CCDC7: variants seen among roughly 807,000 people sequenced by gnomAD.
The protein encoded by CCDC7 is coiled-coil domain containing 7, also known as coiled-coil domain-containing protein 7.
CCDC7 carries 183 observed loss-of-function variants against 196.9 expected under a neutral mutation model. The ratio of observed to expected loss-of-function variants is 0.93; its 90% CI spans 0.82 to 1.05. The LOEUF (loss-of-function observed/expected upper bound fraction) is 1.05. CCDC7 is among the 50% of genes least tolerant of loss of function. The pLI is 0.00. For synonymous variants in CCDC7, 525 were observed against 484.6 expected (o/e 1.08, Z -1.10); for missense variants, 1,540 against 1,482.2 (o/e 1.04, Z -0.64).
chr10:32,754,398 C>T (rs1938054213), intron 28 of CCDC7, among the ~76,000 whole-genome samples: 2 of 152,090 alleles, frequency 1.3e-5, no homozygotes, highest in South Asian at 4.1e-4. Context: ...ATGTTGACTA[C>T]ATAGGGAGAT....
At chr10:32,780,230 C>T (rs2080829146) in intron 29 of CCDC7, among the ~76,000 whole-genome samples, 1 of 151,948 alleles carries the variant, frequency 6.6e-6, no homozygotes, top group Non-Finnish European at 1.5e-5. Flanking sequence ...AGCAAGACAC[C>T]GTCAAACAAA....
intron 26 of CCDC7, among the ~76,000 whole-genome samples, chr10:32,728,102 C>A (rs1181945622): frequency 6.6e-6 from 1 of 152,126 alleles, no homozygotes; most frequent in Admixed American, 6.6e-5. Context: ...CCCTTTCTTT[C>A]TCCCCCTTGA....
intron 28 of CCDC7, among the ~76,000 whole-genome samples, chr10:32,750,335 G>C (rs1018226768): frequency 6.6e-6 from 1 of 152,222 alleles, no homozygotes; most frequent in African/African-American, 2.4e-5. Context: ...GTTTAATAAA[G>C]TGACATACTC....
At chr10:32,779,080 G>T (rs1420263204) in exon 29 of CCDC7, 3 of 1,540,866 alleles carry the variant, frequency 1.9e-6, no homozygotes, top group Non-Finnish European at 2.6e-6. Flanking sequence ...TAAACAAAGT[G>T]GTCGGTAAGT....
intron 28 of CCDC7, among the ~76,000 whole-genome samples, chr10:32,756,258 A>G (rs887824435): frequency 5.3e-5 from 8 of 152,144 alleles, no homozygotes; most frequent in African/African-American, 1.4e-4. Context: ...TACAGAGAAC[A>G]CCACAAAGAT....
chr10:32,737,240 A>G (rs1334338435), intron 28 of CCDC7, among the ~76,000 whole-genome samples: 1 of 152,088 alleles, frequency 6.6e-6, no homozygotes, highest in Non-Finnish European at 1.5e-5. Context: ...CTTTTTATAC[A>G]TTGTTGAATT....
At chr10:32,684,984 A>T (rs1331241704) in intron 21 of CCDC7, among the ~76,000 whole-genome samples, 1 of 151,502 alleles carries the variant, frequency 6.6e-6, no homozygotes, top group Non-Finnish European at 1.5e-5. Flanking sequence ...AATATACGAA[A>T]CCTGAAACTG....
At chr10:32,794,928 C>A (rs1006412770) in intron 29 of CCDC7, among the ~76,000 whole-genome samples, 2 of 152,102 alleles carry the variant, frequency 1.3e-5, no homozygotes, top group African/African-American at 2.4e-5. Context: ...AGGCTAGAGA[C>A]GTCCCTTCCT....
rs552293384 is a variant in CCDC7, at chr10:32,695,880, C to T, written c.2458+888C>T. ...GTCATAGTATCAGGTAACAGCAGTG[C>T]CAAAGACAGAACTACGGCATGAGCC... On this transcript the variant is annotated intron_variant, in intron 24 of 41. Transcript: ENST00000639629. Among the ~76,000 whole-genome samples the T allele has an allele frequency of 6.6e-5, 10 of 152,238 alleles. No individual in the cohort carries two copies. In the East Asian group the frequency reaches 1.7e-3, roughly 27 times the overall value.
At chr10:32,817,200 G>T (rs1031450722) in intron 31 of CCDC7, among the ~76,000 whole-genome samples, 1 of 152,164 alleles carries the variant, frequency 6.6e-6, no homozygotes, top group African/African-American at 2.4e-5. Context: ...GCACAAGCCT[G>T]AGTAGCCGAT....
intron 28 of CCDC7, among the ~76,000 whole-genome samples, chr10:32,764,577 A>G (rs2077978365): frequency 6.6e-6 from 1 of 151,918 alleles, no homozygotes; most frequent in African/African-American, 2.4e-5. Flanking sequence ...TGAAATGCAG[A>G]ATTGCCGTGG....
chr10:32,686,873 A>G (rs1188419291), intron 22 of CCDC7, among the ~76,000 whole-genome samples: 1 of 152,222 alleles, frequency 6.6e-6, no homozygotes, highest in African/African-American at 2.4e-5. Flanking sequence ...TGGGCCTACC[A>G]GTAGGGAGTC....
rs997752586 is a variant in CCDC7 at position 32,779,229 on chromosome 10, T to C, written c.3013+145T>C. 8 of 584,978 alleles carry C rather than the reference T, an allele frequency of 1.4e-5. No individual in the cohort carries two copies. In the South Asian group the frequency reaches 1.9e-4, roughly 14 times the overall value. 36.2% of individuals were successfully genotyped at this position (584,978 alleles called of 1,614,324 possible). A position where few individuals can be genotyped will look rare whatever the true frequency, so the allele number is the denominator to read the frequency against. On this transcript the variant is annotated intron_variant, in intron 29 of 41. Coordinates refer to ENST00000639629, the Ensembl canonical transcript of CCDC7. Reference sequence around the variant, plus strand: ...GTTCATTCTACTCAATCAATCTACATGTCAATTAAGTGTATCTTTAAATTT... The same window carrying C: ...GTTCATTCTACTCAATCAATCTACACGTCAATTAAGTGTATCTTTAAATTT...
At chr10:32,593,015 G>A (rs1361599329) in intron 18 of CCDC7, among the ~76,000 whole-genome samples, 2 of 152,190 alleles carry the variant, frequency 1.3e-5, no homozygotes, top group Admixed American at 6.5e-5. Context: ...ACATATGTGT[G>A]CATGTGTCTT....
intron 18 of CCDC7, among the ~76,000 whole-genome samples, chr10:32,598,454 G>T (rs904514396): frequency 3.9e-5 from 6 of 152,182 alleles, no homozygotes; most frequent in African/African-American, 1.4e-4. Flanking sequence ...TGAGCTTCCA[G>T]GGTGAGGCGA....
At chr10:32,877,271 A>C (rs924780702), downstream of CCDC7, 5 of 152,068 alleles carry the variant, frequency 3.3e-5, no homozygotes, top group Non-Finnish European at 7.4e-5. Context: ...GTCAAGAGAA[A>C]ATAAATGGAG....
chr10:32,593,221 A>C (rs1439482564), intron 18 of CCDC7, among the ~76,000 whole-genome samples: 2 of 152,110 alleles, frequency 1.3e-5, no homozygotes, highest in African/African-American at 4.8e-5. Flanking sequence ...TTGTTTCCTG[A>C]CTTTTTAATG....
intron 11 of CCDC7, among the ~76,000 whole-genome samples, chr10:32,533,585 T>A (rs991904848): frequency 6.6e-6 from 1 of 152,058 alleles, no homozygotes; most frequent in African/African-American, 2.4e-5. Flanking sequence ...ATAAGATGGG[T>A]CTGGTAGTTG....
At chr10:32,684,968 T>G (rs1565130393) in intron 21 of CCDC7, among the ~76,000 whole-genome samples, 1 of 147,090 alleles carries the variant, frequency 6.8e-6, no homozygotes, top group Non-Finnish European at 1.5e-5. Context: ...TTTTTTTTTT[T>G]TTTGAAATAT....
Sources: allele counts gnomAD v4.1 joint callset (sites outside exome capture counted in the v4.1 genomes callset), GRCh38; gene constraint gnomAD v4.1.1; transcripts MANE v1.5; gene names NCBI Gene and HGNC (gene_info 2026-07-23, HGNC 2026-07-21).